Variants in TENM4 observed in about 807,000 individuals in gnomAD.
TENM4 encodes teneurin transmembrane protein 4.
Under a neutral mutation model 243.3 loss-of-function variants are expected in TENM4, and 82 were observed. The observed-to-expected ratio is 0.34, with a 90% CI of 0.28 to 0.40. The LOEUF (loss-of-function observed/expected upper bound fraction) is 0.40. TENM4 is among the 10% of genes least tolerant of loss of function. The pLI, the probability that TENM4 is intolerant of heterozygous loss-of-function variation, is 1.00. For synonymous variants in TENM4, 1,412 were observed against 1,456.3 expected, an observed-to-expected ratio of 0.97 and a Z score of 0.69; for missense variants, 3,138 against 3,673.3, an observed-to-expected ratio of 0.85 and a Z score of 3.77.
chr11:79,177,134 C>G (rs926772247), intron 3 of TENM4, among the ~76,000 whole-genome samples: 1 of 142,836 alleles, frequency 7.0e-6, no homozygotes, highest in Non-Finnish European at 1.5e-5. Flanking sequence ...ATTGTTTAAA[C>G]CTTTTTTTTT....
chr11:78,759,808 G>A (rs1856391619), intron 18 of TENM4, among the ~76,000 whole-genome samples: 1 of 152,202 alleles, frequency 6.6e-6, no homozygotes. Context: ...AAAGGAACCA[G>A]AGGCTCAAAG....
At chr11:78,826,076 C>CTTTT (rs59565048) in intron 12 of TENM4, among the ~76,000 whole-genome samples, 14 of 115,408 alleles carry the variant, frequency 1.2e-4, no homozygotes, top group Non-Finnish European at 1.9e-4. Flanking sequence ...AATCCCCCTC[C>CTTTT]TTTTTTTTTT....
chr11:79,302,259 T>C (rs1263297852), intron 1 of TENM4, among the ~76,000 whole-genome samples: 2 of 152,230 alleles, frequency 1.3e-5, no homozygotes, highest in Admixed American at 6.5e-5. Flanking sequence ...TGTCTTCAAA[T>C]GTGCAGGGTC....
At chr11:79,215,736 A>C in intron 3 of TENM4, 72 bp downstream of exon 3, 2 of 981,828 alleles carry the variant, frequency 2.0e-6, no homozygotes, top group Non-Finnish European at 2.4e-6. Flanking sequence ...TCAGAGTCTG[A>C]GATTGCATTT....
At chr11:78,941,462 G>T (rs1485946531) in intron 6 of TENM4, among the ~76,000 whole-genome samples, 1 of 152,156 alleles carries the variant, frequency 6.6e-6, no homozygotes, top group Non-Finnish European at 1.5e-5. Flanking sequence ...CCGAGGGAGG[G>T]TGGGGGAAGG....
intron 1 of TENM4, among the ~76,000 whole-genome samples, chr11:79,298,620 G>A (rs947861109): frequency 1.3e-5 from 2 of 150,114 alleles, no homozygotes; most frequent in Non-Finnish European, 1.5e-5. Flanking sequence ...CTAAGGAAAA[G>A]AGAAGGAAAC....
At chr11:79,418,708 C>T (rs966718480) in intron 1 of TENM4, among the ~76,000 whole-genome samples, 1 of 152,236 alleles carries the variant, frequency 6.6e-6, no homozygotes, top group African/African-American at 2.4e-5. Context: ...TTCTGTGAGA[C>T]CCTGCCTGAC....
intron 28 of TENM4, among the ~76,000 whole-genome samples, chr11:78,696,412 G>A (rs1458208350): frequency 6.6e-6 from 1 of 152,124 alleles, no homozygotes; most frequent in Non-Finnish European, 1.5e-5. Flanking sequence ...TCTCGGGAAT[G>A]TGTTGCCTTT....
intron 1 of TENM4, among the ~76,000 whole-genome samples, chr11:79,322,512 T>C (rs1266734383): frequency 6.6e-6 from 1 of 152,200 alleles, no homozygotes; most frequent in African/African-American, 2.4e-5. Context: ...TATTTGTCTA[T>C]ATCTTTCCAC....
intron 3 of TENM4, among the ~76,000 whole-genome samples, chr11:79,199,363 C>T (rs2135186218): frequency 6.6e-6 from 1 of 152,264 alleles, no homozygotes; most frequent in African/African-American, 2.4e-5. Context: ...ATGTGCTAGG[C>T]ATTCATTGTT....
At chr11:79,127,812 C>G (rs183355673) in intron 4 of TENM4, among the ~76,000 whole-genome samples, 1 of 152,186 alleles carries the variant, frequency 6.6e-6, no homozygotes, top group East Asian at 1.9e-4. Flanking sequence ...AATTCAGTGA[C>G]CTTCTACATC....
intron 6 of TENM4, among the ~76,000 whole-genome samples, chr11:78,904,124 G>C (rs1286668191): frequency 6.6e-6 from 1 of 152,050 alleles, no homozygotes; most frequent in African/African-American, 2.4e-5. Context: ...ACTTTGGGAG[G>C]CCGAGGTGGG....
chr11:79,301,670 A>G (rs546655332), intron 1 of TENM4, among the ~76,000 whole-genome samples: 3 of 152,164 alleles, frequency 2.0e-5, no homozygotes, highest in African/African-American at 4.8e-5. Context: ...GTAATCCCCA[A>G]TGCCACAGGC....
chr11:79,339,456 C>T (rs1278845185), intron 1 of TENM4, among the ~76,000 whole-genome samples: 1 of 152,172 alleles, frequency 6.6e-6, no homozygotes, highest in Admixed American at 6.5e-5. Context: ...ATTTTATGAA[C>T]CAGAGCCAAG....
rs1161331339 is a variant in TENM4 at position 79,094,921 on chromosome 11, G to C, written c.-65-24912C>G. 3.9e-5 allele frequency among the ~76,000 whole-genome samples: 6 copies of C among 152,202 alleles called. No homozygotes were observed. The East Asian group carries it at 1.2e-3, about 29-fold the overall frequency. Reference sequence around the variant, plus strand: ...AATGCCTGCATCATCCTTAAACTCTGCATTAGTCTAGAGATGTGTCAAAGG... The same window carrying C: ...AATGCCTGCATCATCCTTAAACTCTCCATTAGTCTAGAGATGTGTCAAAGG... On this transcript the variant is annotated intron_variant, in intron 4 of 33. Coordinates refer to ENST00000278550, the MANE Select transcript of TENM4 (RefSeq NM_001098816.3).
chr11:79,133,691 G>T (rs1166136862), intron 4 of TENM4, among the ~76,000 whole-genome samples: 1 of 152,150 alleles, frequency 6.6e-6, no homozygotes, highest in Non-Finnish European at 1.5e-5. Context: ...TGCAGGGATG[G>T]TTTAACATAA....
At chr11:79,259,593 C>A (rs1855758503) in intron 2 of TENM4, among the ~76,000 whole-genome samples, 1 of 151,328 alleles carries the variant, frequency 6.6e-6, no homozygotes, top group Non-Finnish European at 1.5e-5. Flanking sequence ...ATCCACTCAT[C>A]CATCCACCTA....
Position 78,729,537 on chromosome 11 carries a change from G to C in TENM4, c.3245C>G (p.Pro1082Arg). 1.2e-6 allele frequency: 2 copies of C among 1,614,002 alleles called. No individual in the cohort carries two copies. The highest frequency in any genetic ancestry group is 4.5e-5 in the East Asian group (2 of 44,880). Reference sequence around the variant, plus strand: ...CTTCATGAGGTTGAAGGGGATGGTCGGGTGGGTGAGGCTGATCCTCAGGAC... The same window carrying C: ...CTTCATGAGGTTGAAGGGGATGGTCCGGTGGGTGAGGCTGATCCTCAGGAC... ...KSVLRISLTH[P>R]TIPFNLMKVH... The change falls in exon 22 of 34, where the codon CCG (proline) becomes CGG (arginine). Residue 1082 changes from proline to arginine, a missense_variant. Around this residue, in one of 2 missense-constraint regions of TENM4, gnomAD observed 2,467 missense variants for 3,059.1 expected, o/e 0.81. Coordinates refer to ENST00000278550, the MANE Select transcript of TENM4 (RefSeq NM_001098816.3).
At chr11:79,103,709 A>G (rs956057097) in intron 4 of TENM4, among the ~76,000 whole-genome samples, 7 of 152,224 alleles carry the variant, frequency 4.6e-5, no homozygotes, top group African/African-American at 1.7e-4. Context: ...AAAGAAAAAA[A>G]TTGCTGAAAA....
Sources: allele counts gnomAD v4.1 joint callset (sites outside exome capture counted in the v4.1 genomes callset), GRCh38; gene constraint gnomAD v4.1.1; regional missense constraint gnomAD v4.1.1; transcripts MANE v1.5; gene names NCBI Gene and HGNC (gene_info 2026-07-23, HGNC 2026-07-21).